TULP4: variants seen among roughly 807,000 people sequenced by gnomAD.
TULP4 encodes the protein TUB like protein 4.
A neutral mutation model predicts 129.0 loss-of-function variants in TULP4; 16 were observed. The ratio of observed to expected loss-of-function variants is 0.12; its 90% confidence interval spans 0.08 to 0.19. TULP4 has a LOEUF of 0.19. Ranked by LOEUF, TULP4 falls within the 10% of genes least tolerant of loss-of-function variation. TULP4 has a pLI of 1.00. For missense variants in TULP4, 1,842 were observed against 2,059.1 expected (o/e 0.89, Z 2.04); for synonymous variants, 998 against 854.0 (o/e 1.17, Z -2.94).
chr6:158,300,931 T>C (rs1256130712), intron 1 of TULP4, among the ~76,000 whole-genome samples: 1 of 152,220 alleles, frequency 6.6e-6, no homozygotes, highest in African/African-American at 2.4e-5. Flanking sequence ...AGTGAGATTA[T>C]GGAACTCCTG....
intron 1 of TULP4, among the ~76,000 whole-genome samples, chr6:158,370,479 A>G: frequency 6.7e-6 from 1 of 149,720 alleles, no homozygotes. Context: ...AAAAAAAAAA[A>G]AAAAGATTGT....
intron 9 of TULP4, among the ~76,000 whole-genome samples, chr6:158,492,572 T>C (rs527641911): frequency 8.8e-4 from 134 of 152,320 alleles, no homozygotes; most frequent in African/African-American, 3.1e-3. Flanking sequence ...CCTTCACCTT[T>C]AAACGTCCTC....
intron 1 of TULP4, among the ~76,000 whole-genome samples, chr6:158,388,322 C>CTTTGTTTTTTTT (rs1777499193): frequency 1.2e-5 from 1 of 86,258 alleles, no homozygotes; most frequent in Non-Finnish European, 2.0e-5. Context: ...GCTCGTTTTT[C>CTTTGTTTTTTTT]TTTTTTTTTT....
chr6:158,252,461 C>T (rs191875004), intron 1 of TULP4, among the ~76,000 whole-genome samples: 18 of 152,066 alleles, frequency 1.2e-4, no homozygotes, highest in Non-Finnish European at 2.4e-4. Flanking sequence ...CTGCAGCCTT[C>T]GCCTCCTGGG....
intron 1 of TULP4, among the ~76,000 whole-genome samples, chr6:158,275,938 C>T (rs2128464084): frequency 6.6e-6 from 1 of 152,158 alleles, no homozygotes. Context: ...AAATATTGAG[C>T]AGGAGTAAAG....
intron 6 of TULP4, among the ~76,000 whole-genome samples, chr6:158,475,874 G>A (rs1779805858): frequency 6.6e-6 from 1 of 152,204 alleles, no homozygotes; most frequent in Non-Finnish European, 1.5e-5. Flanking sequence ...TGGAATACCA[G>A]TAAACAGCCA....
At chr6:158,268,248 AG>A (rs1175635642) in intron 1 of TULP4, among the ~76,000 whole-genome samples, 2 of 151,826 alleles carry the variant, frequency 1.3e-5, no homozygotes, top group East Asian at 3.9e-4. Context: ...CATGTTGGTC[AG>A]GCTGGTCTTG....
At chr6:158,385,522 A>T (rs1241666543) in intron 1 of TULP4, among the ~76,000 whole-genome samples, 1 of 152,136 alleles carries the variant, frequency 6.6e-6, no homozygotes, top group African/African-American at 2.4e-5. Flanking sequence ...TGAACCTCAG[A>T]TTCTTCGGTG....
chr6:158,510,317 T>G lies in TULP4; in HGVS notation c.*3623T>G, dbSNP rs1266569607. ...AGAATGTGTTATGTTCATCTTGTAATCATAGCAAAAAGTCTGCAAACCCCA... is the reference window on the plus strand; with the variant it reads ...AGAATGTGTTATGTTCATCTTGTAAGCATAGCAAAAAGTCTGCAAACCCCA... On this transcript the variant is annotated 3_prime_UTR_variant, in exon 14 of 14. Coordinates refer to ENST00000367097, the MANE Select transcript of TULP4 (RefSeq NM_020245.5). 6.6e-6 allele frequency: 1 copy of G among 152,300 alleles called. No homozygotes were observed. The highest frequency in any genetic ancestry group is 1.5e-5 in the Non-Finnish European group (1 of 68,050). The allele number at this position is 152,300 out of a possible 1,614,324, so 9.4% of individuals were successfully genotyped here.
At chr6:158,456,269 A>G (rs924313726) in intron 5 of TULP4, among the ~76,000 whole-genome samples, 2 of 152,220 alleles carry the variant, frequency 1.3e-5, no homozygotes, top group Non-Finnish European at 2.9e-5. Flanking sequence ...GAGATCAGAA[A>G]GTCCCTGGCT....
intron 1 of TULP4, among the ~76,000 whole-genome samples, chr6:158,267,147 C>T (rs944896174): frequency 5.3e-5 from 8 of 152,164 alleles, no homozygotes; most frequent in African/African-American, 1.9e-4. Context: ...AATGTCCTTC[C>T]CTTTCAAGGC....
At chr6:158,443,931 A>G (rs994078050) in intron 3 of TULP4, among the ~76,000 whole-genome samples, 32 of 152,124 alleles carry the variant, frequency 2.1e-4, no homozygotes. Context: ...GTCTTAAAAA[A>G]TTTTTTGGCC....
chr6:158,408,816 A>C (rs1252943233), intron 1 of TULP4, among the ~76,000 whole-genome samples: 1 of 152,216 alleles, frequency 6.6e-6, no homozygotes, highest in Non-Finnish European at 1.5e-5. Context: ...AAATGACCAC[A>C]TGTGTCTACA....
chr6:158,347,872 G>A (rs1031923872), intron 1 of TULP4, among the ~76,000 whole-genome samples: 3 of 150,072 alleles, frequency 2.0e-5, no homozygotes, highest in African/African-American at 7.3e-5. Context: ...TTACTTCTTT[G>A]ATTTAAGAAT....
chr6:158,503,634 G>A lies in TULP4; in HGVS notation c.3971G>A (p.Ser1324Asn). ...CAGGAAGTCCTCTCCCTGACCGAAA[G>A]CCCAGTCCCCCAGCGGACAGAAAAA... is the stretch of plus-strand genomic sequence containing the variant. ...NFQEVLSLTE[S>N]PVPQRTEKFG... is the part of the protein sequence containing the mutation. The change falls in exon 13 of 14, where the codon AGC (serine) becomes AAC (asparagine). Residue 1324 changes from serine to asparagine, a missense_variant. This residue lies in a region of TULP4 where 1,089 missense variants were observed against 987.1 expected (regional missense o/e 1.10). Transcript: ENST00000367097. The surrounding 1 kb of genome is among the most constrained non-coding windows in gnomAD (Gnocchi z 4.3). 2 of 1,614,096 alleles carry A rather than the reference G, an allele frequency of 1.2e-6. No homozygotes were observed. The highest frequency in any genetic ancestry group is 2.2e-5 in the East Asian group (1 of 44,882).
At chr6:158,315,620 T>C (rs1013668409) in intron 1 of TULP4, among the ~76,000 whole-genome samples, 2 of 152,228 alleles carry the variant, frequency 1.3e-5, no homozygotes, top group African/African-American at 4.8e-5. Context: ...AGATTTTACA[T>C]TCTGTCTTAA....
intron 3 of TULP4, among the ~76,000 whole-genome samples, chr6:158,444,708 A>T (rs1204248035): frequency 2.0e-5 from 3 of 152,304 alleles, no homozygotes; most frequent in Admixed American, 2.0e-4. Flanking sequence ...ATTTTAAACT[A>T]TTGATAATAA....
upstream of TULP4, among the ~76,000 whole-genome samples, chr6:158,310,995 G>A (rs1779338064): frequency 1.3e-5 from 2 of 151,504 alleles, no homozygotes; most frequent in South Asian, 4.2e-4. Flanking sequence ...TATGACTACT[G>A]GTGCAGTTGG....
intron 8 of TULP4, among the ~76,000 whole-genome samples, chr6:158,483,719 G>A (rs1266315670): frequency 2.6e-5 from 4 of 152,026 alleles, no homozygotes; most frequent in African/African-American, 9.7e-5. Context: ...CACCTGGGAT[G>A]CTTATTTAAA....
Sources: allele counts gnomAD v4.1 joint callset (sites outside exome capture counted in the v4.1 genomes callset), GRCh38; gene constraint gnomAD v4.1.1; regional missense constraint gnomAD v4.1.1; non-coding constraint Gnocchi (gnomAD v3.1); transcripts MANE v1.5; gene names NCBI Gene and HGNC (gene_info 2026-07-23, HGNC 2026-07-21).